CENPO: variants seen among roughly 807,000 people sequenced by gnomAD.
CENPO encodes centromere protein O.
Under a neutral mutation model 36.1 loss-of-function variants are expected in CENPO, and 30 were observed. That is an observed-to-expected ratio of 0.83 (90% confidence interval 0.62 to 1.13). CENPO has a LOEUF of 1.13. Among genes scored for constraint, CENPO ranks in the 50% most tolerant of loss-of-function variants. CENPO has a pLI of 0.00. For missense variants in CENPO, 349 were observed against 357.8 expected (o/e 0.98, Z 0.20); for synonymous variants, 171 against 142.3 (o/e 1.20, Z -1.44).
In CENPO at chr2:24,817,466, C is replaced by CAAAAAAAAAAAAAAAA. The variant is rs57556645; in HGVS notation, c.767-194_767-193insAAAAAAAAAAAAAAAA. On this transcript the variant is annotated intron_variant, in intron 6 of 7. Transcript: ENST00000380834. ...AGTAAGGGGCAGCCTTAGTCCAGACCAAAAAAAAAAGCTGTATGGGTCCAG... is the reference window on the plus strand; with the variant it reads ...AGTAAGGGGCAGCCTTAGTCCAGACCAAAAAAAAAAAAAAAAAAAAAAAAAAGCTGTATGGGTCCAG... Among the ~76,000 whole-genome samples the CAAAAAAAAAAAAAAAA allele has an allele frequency of 1.7e-4, 19 of 110,078 alleles. 3 individuals carry two copies. The highest frequency in any genetic ancestry group is 6.5e-4 in the African/African-American group (15 of 23,102). The allele number at this position is 110,078 out of a possible 152,430, so 72.2% of individuals were successfully genotyped here. A position where few individuals can be genotyped will look rare whatever the true frequency, so the allele number is the denominator to read the frequency against.
Position 24,797,321 on chromosome 2 carries a change from G to A in CENPO, c.47-2354G>A, listed in dbSNP as rs542917049. On this transcript the variant is annotated intron_variant, in intron 2 of 7. Coordinates refer to ENST00000380834, the MANE Select transcript of CENPO (RefSeq NM_001322101.2). The stretch of plus-strand genomic sequence containing the variant: ...AAGGGGAGATGATGAATTCAGTCTT[G>A]GACATGTTGATTGTCAGGTTCCTGT... 7.9e-5 allele frequency among the ~76,000 whole-genome samples: 12 copies of A among 152,272 alleles called. No individual in the cohort carries two copies. In the South Asian group the frequency reaches 2.3e-3, roughly 29 times the overall value.
intron 3 of CENPO, among the ~76,000 whole-genome samples, chr2:24,803,994 T>A (rs1193710719): frequency 2.0e-5 from 3 of 152,226 alleles, no homozygotes; most frequent in African/African-American, 7.2e-5. Context: ...AAGGACTTGC[T>A]TTATGAGTCT....
chr2:24,821,335 G>C lies in CENPO; in HGVS notation c.*2017G>C, dbSNP rs1667672600. ...GGATCATCACATCAGCTGGGTTTTT[G>C]GTTTAGTCATCTAGAGTCGTCTGGA... On this transcript the variant is annotated 3_prime_UTR_variant, in exon 8 of 8. Coordinates refer to ENST00000380834, the MANE Select transcript of CENPO (RefSeq NM_001322101.2). 3.7e-6 allele frequency: 3 copies of C among 821,424 alleles called. No individual in the cohort carries two copies. Among genetic ancestry groups the C allele is most frequent in the African/African-American group, 3.4e-5 (2 of 58,254 alleles). 50.9% of individuals were successfully genotyped at this position (821,424 alleles called of 1,614,324 possible).
intron 7 of CENPO, among the ~76,000 whole-genome samples, chr2:24,818,398 A>C (rs1259479307): frequency 6.6e-6 from 1 of 152,000 alleles, no homozygotes; most frequent in African/African-American, 2.4e-5. Flanking sequence ...TTTTAAAAGG[A>C]AAGTATTTTT....
Position 24,816,656 on chromosome 2 carries a change from C to T in CENPO, c.605C>T (p.Ala202Val). 1.2e-6 allele frequency: 2 copies of T among 1,605,786 alleles called. No homozygotes were observed. The highest frequency in any genetic ancestry group is 8.5e-7 in the Non-Finnish European group (1 of 1,176,274). ...CCTCACCCCTCTTAGAGTGACTTTG[C>T]AGCCCTCCTGACTGGGCCCTTGCAG... is the stretch of plus-strand genomic sequence containing the variant. ...YQADRLQSDFAALLTGPLQRN... is the reference protein window; with the variant it reads ...YQADRLQSDFVALLTGPLQRN... Residue 202 changes from alanine to valine, a missense_variant, in exon 6 of 8, where the codon GCA (alanine) becomes GTA (valine). Coordinates refer to ENST00000380834, the MANE Select transcript of CENPO (RefSeq NM_001322101.2).
chr2:24,818,671 A>C (rs1032624952), intron 7 of CENPO, among the ~76,000 whole-genome samples: 3 of 151,998 alleles, frequency 2.0e-5, no homozygotes, highest in South Asian at 4.1e-4. Context: ...TCTGCCCATT[A>C]ACTCAGGGGG....
intron 4 of CENPO, chr2:24,814,736 T>C (rs796288903): frequency 1.0e-5 from 5 of 492,794 alleles, no homozygotes; most frequent in South Asian, 9.7e-5. Context: ...GGCTGGCTTA[T>C]TCCACTCATC....
At chr2:24,811,928 A>C (rs1413631451) in intron 3 of CENPO, among the ~76,000 whole-genome samples, 2 of 152,168 alleles carry the variant, frequency 1.3e-5, no homozygotes, top group Non-Finnish European at 1.5e-5. Flanking sequence ...TTACTGATCT[A>C]TTTGGATCTC....
chr2:24,804,686 C>A (rs542631021), intron 3 of CENPO, among the ~76,000 whole-genome samples: 25 of 152,264 alleles, frequency 1.6e-4, no homozygotes, highest in Non-Finnish European at 3.7e-4. Context: ...GAGTTTGTGC[C>A]GAGAGATCAG....
intron 3 of CENPO, among the ~76,000 whole-genome samples, chr2:24,801,623 G>T (rs1666169406): frequency 6.6e-6 from 1 of 152,186 alleles, no homozygotes; most frequent in African/African-American, 2.4e-5. Flanking sequence ...GTTTGTCAAA[G>T]ATCAGATAGT....
In CENPO at chr2:24,821,156, A is replaced by C. The variant is rs1667635727; in HGVS notation, c.*1838A>C. On this transcript the variant is annotated 3_prime_UTR_variant, in exon 8 of 8. Transcript: ENST00000380834. ...CTCAGGAATGATACCCCCTCAGTAG[A>C]AGCAGCAGGTGATCTTAACTCCTTT... 4.6e-6 allele frequency: 2 copies of C among 434,068 alleles called. No homozygotes were observed. Among genetic ancestry groups the C allele is most frequent in the Admixed American group, 7.9e-5 (2 of 25,186 alleles). The allele number at this position is 434,068 out of a possible 1,614,324, so 26.9% of individuals were successfully genotyped here. A position where few individuals can be genotyped will look rare whatever the true frequency, so the allele number is the denominator to read the frequency against.
chr2:24,818,932 C>T (rs751828256), intron 7 of CENPO, among the ~76,000 whole-genome samples: 4 of 152,236 alleles, frequency 2.6e-5, no homozygotes, highest in Non-Finnish European at 4.4e-5. Context: ...AAGTAACCTC[C>T]GTGTGGGAGA....
chr2:24,806,451 G>A (rs1377826743), intron 3 of CENPO, among the ~76,000 whole-genome samples: 1 of 152,126 alleles, frequency 6.6e-6, no homozygotes, highest in Non-Finnish European at 1.5e-5. Flanking sequence ...GTTCCTATTC[G>A]GCCATCTTGG....
chr2:24,820,160 T>TCC lies in CENPO; in HGVS notation c.*842_*843insCC. 1 of 1,361,608 alleles carries TCC rather than the reference T, an allele frequency of 7.3e-7. No individual in the cohort carries two copies. Among genetic ancestry groups the TCC allele is most frequent in the Non-Finnish European group, 9.8e-7 (1 of 1,019,518 alleles). 84.3% of individuals were successfully genotyped at this position (1,361,608 alleles called of 1,614,324 possible). ...AGAACGTGGCGTTACGGGGGGAGCCTAGACTGAGGGCGGGTGGGGGCTTTG... is the reference window on the plus strand; with the variant it reads ...AGAACGTGGCGTTACGGGGGGAGCCTCCAGACTGAGGGCGGGTGGGGGCTTTG... On this transcript the variant is annotated 3_prime_UTR_variant, in exon 8 of 8. Coordinates refer to ENST00000380834, the MANE Select transcript of CENPO (RefSeq NM_001322101.2).
intron 4 of CENPO, 194 bp downstream of exon 4, chr2:24,814,687 C>T: frequency 1.8e-6 from 1 of 563,550 alleles, no homozygotes; most frequent in Non-Finnish European, 3.2e-6. Flanking sequence ...TCTTCACCTA[C>T]AAGATTGACT....
chr2:24,808,477 C>T (rs762926712), intron 3 of CENPO, among the ~76,000 whole-genome samples: 2 of 152,226 alleles, frequency 1.3e-5, no homozygotes, highest in Non-Finnish European at 2.9e-5. Context: ...GCTGGGATTA[C>T]AGGCGTGAGC....
intron 1 of CENPO, 62 bp from the exon 2 acceptor site, chr2:24,793,790 C>T: frequency 7.8e-7 from 1 of 1,277,890 alleles, no homozygotes; most frequent in Non-Finnish European, 1.1e-6. Context: ...GGTGTGTGCC[C>T]TGCCGTCTGG....
Position 24,819,835 on chromosome 2 carries a change from A to G in CENPO, c.*517A>G, listed in dbSNP as rs1466572323. 3.0e-6 allele frequency: 4 copies of G among 1,321,342 alleles called. No individual in the cohort carries two copies. Among genetic ancestry groups the G allele is most frequent in the East Asian group, 4.9e-5 (2 of 40,436 alleles). 81.9% of individuals were successfully genotyped at this position (1,321,342 alleles called of 1,614,324 possible). A position where few individuals can be genotyped will look rare whatever the true frequency, so the allele number is the denominator to read the frequency against. ...GAGGAGGTTTCTAAACCTAAAGTCC[A>G]TGAGTGTGCACTTCAATCCAGGAAG... is the stretch of plus-strand genomic sequence containing the variant. On this transcript the variant is annotated 3_prime_UTR_variant, in exon 8 of 8. Transcript: ENST00000380834.
In CENPO at chr2:24,821,046, C is replaced by A. The variant is rs1667594183; in HGVS notation, c.*1728C>A. 1 of 704,798 alleles carries A rather than the reference C, an allele frequency of 1.4e-6. No homozygotes were observed. 43.7% of individuals were successfully genotyped at this position (704,798 alleles called of 1,614,324 possible). ...CGTGTGCTTGTTAGGTGTCAGCCGC[C>A]ACCCCCCCCCCATATGCAGATTTAC... On this transcript the variant is annotated 3_prime_UTR_variant, in exon 8 of 8. Transcript: ENST00000380834.
Sources: allele counts gnomAD v4.1 joint callset (sites outside exome capture counted in the v4.1 genomes callset), GRCh38; gene constraint gnomAD v4.1.1; transcripts MANE v1.5; gene names NCBI Gene and HGNC (gene_info 2026-07-23, HGNC 2026-07-21).